Variants in DNAJC11 observed in about 807,000 individuals in gnomAD.
DNAJC11 encodes the protein dnaJ homolog subfamily C member 11.
DNAJC11 carries 15 observed loss-of-function variants against 78.6 expected under a neutral mutation model. That is an observed-to-expected ratio of 0.19 (90% CI 0.13 to 0.29). The LOEUF (loss-of-function observed/expected upper bound fraction) is 0.29. DNAJC11 is among the 10% of genes least tolerant of loss of function. DNAJC11 has a pLI of 1.00. For missense variants in DNAJC11, 547 were observed against 709.6 expected (o/e 0.77, Z 2.60); for synonymous variants, 292 against 272.1 (o/e 1.07, Z -0.72).
At chr1:6,643,853 A>C (rs1641922974) in intron 10 of DNAJC11, among the ~76,000 whole-genome samples, 1 of 151,824 alleles carries the variant, frequency 6.6e-6, no homozygotes, top group Non-Finnish European at 1.5e-5. Flanking sequence ...ACATTTGCTT[A>C]CTCAGCAAAG....
chr1:6,648,006 A>G (rs933761668), intron 7 of DNAJC11, among the ~76,000 whole-genome samples: 10 of 152,178 alleles, frequency 6.6e-5, no homozygotes, highest in African/African-American at 2.4e-4. Flanking sequence ...GTGACCACTC[A>G]ATGAATAGAC....
intron 1 of DNAJC11, among the ~76,000 whole-genome samples, chr1:6,693,020 C>T (rs974758136): frequency 2.0e-5 from 3 of 152,098 alleles, no homozygotes; most frequent in African/African-American, 7.2e-5. Context: ...ATTCTCCTGT[C>T]TCAACCTCCC....
At chr1:6,652,099 C>G (rs1464797377) in intron 6 of DNAJC11, among the ~76,000 whole-genome samples, 2 of 152,230 alleles carry the variant, frequency 1.3e-5, no homozygotes, top group African/African-American at 4.8e-5. Flanking sequence ...ACCCGCACAG[C>G]CTTGGAAGTC....
chr1:6,666,630 G>C (rs1258291622), intron 4 of DNAJC11, among the ~76,000 whole-genome samples: 2 of 152,072 alleles, frequency 1.3e-5, no homozygotes, highest in African/African-American at 4.8e-5. Flanking sequence ...TCGAACTCCT[G>C]ACCTCAGGTG....
At position 6,652,428 on chromosome 1, in the gene DNAJC11, C is replaced by CTATT. The variant is rs935605877; in HGVS notation, c.630+397_630+400dup. Among the ~76,000 whole-genome samples the CTATT allele has an allele frequency of 5.9e-5, 9 of 152,106 alleles. No homozygotes were observed. The South Asian group carries it at 6.2e-4, about 11-fold the overall frequency. ...TGACAGGACTTCTCAGATATGAGAC[C>CTATT]TATTTATTTATTTATTTTTGAGACG... is the stretch of plus-strand genomic sequence containing the variant. On this transcript the variant is annotated intron_variant, in intron 6 of 15. Transcript: ENST00000377577.
chr1:6,658,706 A>G (rs1642165969), intron 4 of DNAJC11, among the ~76,000 whole-genome samples: 1 of 152,216 alleles, frequency 6.6e-6, no homozygotes, highest in Admixed American at 6.5e-5. Flanking sequence ...CTATCTAAAA[A>G]CTTACTTTAT....
chr1:6,650,884 TA>T (rs915230339), intron 7 of DNAJC11: 6 of 320,628 alleles, frequency 1.9e-5, no homozygotes, highest in African/African-American at 1.3e-4. Context: ...CCAAAATAAA[TA>T]AATAAATAAA....
intron 1 of DNAJC11, among the ~76,000 whole-genome samples, chr1:6,685,995 T>C (rs752090555): frequency 2.6e-5 from 4 of 152,258 alleles, no homozygotes; most frequent in Admixed American, 2.6e-4. Flanking sequence ...TTTGCGGTGA[T>C]GTCTGTGTAT....
rs763531376 is a variant in DNAJC11 at position 6,645,049 on chromosome 1, T to A, written c.972A>T (p.Gly324=). 5 of 1,613,928 alleles carry A rather than the reference T, an allele frequency of 3.1e-6. No individual in the cohort carries two copies. The highest frequency in any genetic ancestry group is 1.3e-5 in the African/African-American group (1 of 74,918). Residue 324 remains glycine, a synonymous_variant, in exon 9 of 16, where the codon GGA becomes GGT. Transcript: ENST00000377577. This position sits in a 1 kb window ranked among gnomAD's most constrained non-coding sequence, Gnocchi z 4.1. The part of the protein sequence containing the change: ...FQDDDQTRVK[G]SLKAGFFGTV... Reference sequence around the variant, plus strand: ...GCCAGGCCAGGACTTACTTGAGGGATCCTTTCACACGAGTCTGATCGTCAT... The same window carrying A: ...GCCAGGCCAGGACTTACTTGAGGGAACCTTTCACACGAGTCTGATCGTCAT...
At chr1:6,673,505 A>G (rs1463377189) in intron 3 of DNAJC11, among the ~76,000 whole-genome samples, 3 of 152,152 alleles carry the variant, frequency 2.0e-5, no homozygotes, top group Non-Finnish European at 2.9e-5. Context: ...TCTAGCTAGT[A>G]AACTTTTTCT....
chr1:6,647,429 C>G (rs1368062766), intron 7 of DNAJC11, among the ~76,000 whole-genome samples: 3 of 152,136 alleles, frequency 2.0e-5, no homozygotes, highest in Non-Finnish European at 2.9e-5. Context: ...GGCCGTAACT[C>G]CATCGTAAAT....
chr1:6,636,109 C>G lies in DNAJC11; in HGVS notation c.1654+8G>C. The G allele has an allele frequency of 6.2e-7, 1 of 1,613,124 alleles. No individual in the cohort carries two copies. The highest frequency in any genetic ancestry group is 8.5e-7 in the Non-Finnish European group (1 of 1,179,544). The stretch of plus-strand genomic sequence containing the variant: ...TTAGCTGGTGACTGCGAAGGGACGG[C>G]TACTCACACTGCTTTGGTATCCGGA... On this transcript the variant is annotated splice_region_variant and intron_variant, in intron 15 of 15. Transcript: ENST00000377577.
At chr1:6,650,076 G>C in intron 7 of DNAJC11, among the ~76,000 whole-genome samples, 1 of 149,428 alleles carries the variant, frequency 6.7e-6, no homozygotes, top group South Asian at 2.3e-4. Flanking sequence ...CTGAGGTCAG[G>C]AGTTAAGAGA....
At chr1:6,656,204 A>T (rs1046663123) in intron 4 of DNAJC11, among the ~76,000 whole-genome samples, 2 of 152,112 alleles carry the variant, frequency 1.3e-5, no homozygotes, top group African/African-American at 4.8e-5. Context: ...ATACAAAATA[A>T]ATAAGAGTTT....
chr1:6,635,447 T>C lies in DNAJC11; in HGVS notation c.*228A>G, dbSNP rs1433706145. ...GAACTGATCCTTGGGAAAACAGCCA[T>C]GGGCCAGGCTGCAGTCTGGTTCCCA... On this transcript the variant is annotated 3_prime_UTR_variant, in exon 16 of 16. Coordinates refer to ENST00000377577, the MANE Select transcript of DNAJC11 (RefSeq NM_018198.4). 4 of 523,508 alleles carry C rather than the reference T, an allele frequency of 7.6e-6. No homozygotes were observed. The highest frequency in any genetic ancestry group is 6.5e-5 in the Admixed American group (2 of 31,004). The allele number at this position is 523,508 out of a possible 1,614,324, so 32.4% of individuals were successfully genotyped here. A position where few individuals can be genotyped will look rare whatever the true frequency, so the allele number is the denominator to read the frequency against.
intron 3 of DNAJC11, chr1:6,670,523 T>C (rs1003468025): frequency 2.6e-5 from 4 of 152,222 alleles, no homozygotes; most frequent in African/African-American, 7.2e-5. Flanking sequence ...ATCCAAAAAA[T>C]CCTAGGAACT....
intron 4 of DNAJC11, among the ~76,000 whole-genome samples, chr1:6,662,118 A>ATT (rs1642223178): frequency 7.6e-6 from 1 of 131,964 alleles, no homozygotes; most frequent in Non-Finnish European, 1.6e-5. Context: ...TGCCCAGTTA[A>ATT]TTGTTTTTTG....
intron 1 of DNAJC11, among the ~76,000 whole-genome samples, chr1:6,701,389 C>G (rs867782891): frequency 3.9e-5 from 6 of 152,186 alleles, no homozygotes; most frequent in Admixed American, 3.3e-4. Context: ...GAGCGCGAGA[C>G]GGGGTCTCGG....
rs1265993137 is a variant in DNAJC11, at chr1:6,634,477, T to C, written c.*1198A>G. The stretch of plus-strand genomic sequence containing the variant: ...GGAGGCCTGACTTCAGCAACAGCTG[T>C]GGGTGGGCTGGAGGCCGGCGCAGCT... On this transcript the variant is annotated 3_prime_UTR_variant, in exon 16 of 16. Coordinates refer to ENST00000377577, the MANE Select transcript of DNAJC11 (RefSeq NM_018198.4). 2 of 1,324,776 alleles carry C rather than the reference T, an allele frequency of 1.5e-6. No homozygotes were observed. Among genetic ancestry groups the C allele is most frequent in the Non-Finnish European group, 2.0e-6 (2 of 1,000,764 alleles). The allele number at this position is 1,324,776 out of a possible 1,614,324, so 82.1% of individuals were successfully genotyped here.
Sources: allele counts gnomAD v4.1 joint callset (sites outside exome capture counted in the v4.1 genomes callset), GRCh38; gene constraint gnomAD v4.1.1; non-coding constraint Gnocchi (gnomAD v3.1); transcripts MANE v1.5; gene names NCBI Gene and HGNC (gene_info 2026-07-23, HGNC 2026-07-21).